UGT8: variants seen among roughly 807,000 people sequenced by gnomAD.
The protein encoded by UGT8 is 2-hydroxyacylsphingosine 1-beta-galactosyltransferase.
In UGT8, 12 loss-of-function variants were observed where a neutral mutation model predicts 40.5. The observed-to-expected ratio is 0.30, with a 90% confidence interval of 0.19 to 0.48. The LOEUF (loss-of-function observed/expected upper bound fraction) is 0.48. Among genes scored for constraint, UGT8 ranks in the 20% least tolerant of loss-of-function variants. UGT8 has a pLI of 0.99. For synonymous variants in UGT8, 224 were observed against 240.4 expected (o/e 0.93, Z 0.63); for missense variants, 513 against 648.7 (o/e 0.79, Z 2.27).
chr4:114,667,480 T>A (rs1301405913), intron 4 of UGT8, among the ~76,000 whole-genome samples: 1 of 152,208 alleles, frequency 6.6e-6, no homozygotes, highest in African/African-American at 2.4e-5. Flanking sequence ...TTATGTGATG[T>A]CTCATGTCTT....
intron 2 of UGT8, chr4:114,656,838 TC>T: frequency 1.9e-6 from 1 of 514,988 alleles, no homozygotes; most frequent in South Asian, 1.5e-5. Context: ...GCTCTTCATT[TC>T]CCCATATCTA....
chr4:114,599,003 G>A (rs1730265578), intron 1 of UGT8, 29 bp downstream of exon 1: 2 of 151,706 alleles, frequency 1.3e-5, no homozygotes, highest in South Asian at 2.1e-4. Flanking sequence ...CCGTTCCAGA[G>A]GGCGGAAGGG....
chr4:114,665,628 C>T (rs1734813977), intron 3 of UGT8, 52 bp from the exon 4 acceptor site: 1 of 1,488,078 alleles, frequency 6.7e-7, no homozygotes, highest in Non-Finnish European at 9.1e-7. Context: ...AGAGCCCATA[C>T]TATGAGTAAG....
intron 2 of UGT8, among the ~76,000 whole-genome samples, chr4:114,627,500 T>C (rs1371278965): frequency 3.9e-5 from 6 of 152,162 alleles, no homozygotes; most frequent in Middle Eastern, 3.4e-3. Flanking sequence ...CCTTGTGATC[T>C]GCCCGTCTCG....
intron 2 of UGT8, among the ~76,000 whole-genome samples, chr4:114,663,172 T>C (rs914517513): frequency 3.9e-5 from 6 of 152,110 alleles, no homozygotes; most frequent in African/African-American, 1.4e-4. Context: ...AATCACGTTA[T>C]GCTACAAAGT....
At chr4:114,604,674 G>A (rs1730635222) in intron 1 of UGT8, among the ~76,000 whole-genome samples, 1 of 152,038 alleles carries the variant, frequency 6.6e-6, no homozygotes, top group Non-Finnish European at 1.5e-5. Flanking sequence ...TGGTTTGGAA[G>A]TCAACCAACA....
At chr4:114,641,023 T>C (rs1269033573) in intron 2 of UGT8, among the ~76,000 whole-genome samples, 1 of 152,192 alleles carries the variant, frequency 6.6e-6, no homozygotes, top group East Asian at 1.9e-4. Flanking sequence ...TCATAGAGTA[T>C]TTCTGTGGAG....
chr4:114,664,654 C>T (rs1307051208), intron 3 of UGT8, among the ~76,000 whole-genome samples: 2 of 152,108 alleles, frequency 1.3e-5, no homozygotes, highest in Non-Finnish European at 2.9e-5. Context: ...CCATTTAACA[C>T]GGTTTAAGAC....
chr4:114,640,827 GC>G (rs1254445582), intron 2 of UGT8, among the ~76,000 whole-genome samples: 1 of 152,136 alleles, frequency 6.6e-6, no homozygotes, highest in African/African-American at 2.4e-5. Context: ...GGAAAGACTT[GC>G]CCCCATGATT....
intron 1 of UGT8, among the ~76,000 whole-genome samples, chr4:114,608,525 A>AT (rs920380686): frequency 2.5e-4 from 38 of 150,384 alleles, no homozygotes; most frequent in African/African-American, 6.1e-4. Context: ...ACATTCCCCT[A>AT]TTTTTTTTTA....
At chr4:114,643,886 G>A (rs1043492893) in intron 2 of UGT8, among the ~76,000 whole-genome samples, 3 of 151,888 alleles carry the variant, frequency 2.0e-5, no homozygotes, top group African/African-American at 7.3e-5. Flanking sequence ...AAATACTGGT[G>A]GTTCCTCCTT....
chr4:114,628,978 G>A (rs1732414064), intron 2 of UGT8, among the ~76,000 whole-genome samples: 1 of 151,632 alleles, frequency 6.6e-6, no homozygotes, highest in South Asian at 2.1e-4. Context: ...TGGTATTCCT[G>A]ATTAACATAG....
intron 1 of UGT8, among the ~76,000 whole-genome samples, chr4:114,609,361 A>C (rs1227935603): frequency 6.6e-6 from 1 of 152,236 alleles, no homozygotes; most frequent in Non-Finnish European, 1.5e-5. Flanking sequence ...TTAATTTGCC[A>C]GTTTTAAATA....
chr4:114,636,192 C>G (rs1425876483), intron 2 of UGT8, among the ~76,000 whole-genome samples: 2 of 152,176 alleles, frequency 1.3e-5, no homozygotes, highest in Non-Finnish European at 2.9e-5. Flanking sequence ...TACATAGATA[C>G]AAGCTTTATT....
At chr4:114,626,881 G>T (rs1732257699) in intron 2 of UGT8, among the ~76,000 whole-genome samples, 1 of 152,154 alleles carries the variant, frequency 6.6e-6, no homozygotes, top group Non-Finnish European at 1.5e-5. Context: ...CAAGTCAAAT[G>T]AAACCATATG....
At chr4:114,667,661 C>CT (rs1480090155) in intron 4 of UGT8, 1 of 162,350 alleles carries the variant, frequency 6.2e-6, no homozygotes, top group East Asian at 1.9e-4. Context: ...GAATCCAGCC[C>CT]TTTTTTACAT....
rs924111997 is a variant in UGT8 at position 114,676,626 on chromosome 4, A to T, written c.*338A>T. The T allele has an allele frequency of 1.1e-4, 25 of 228,500 alleles. No homozygotes were observed. Among genetic ancestry groups the T allele is most frequent in the Non-Finnish European group, 1.8e-4 (21 of 116,726 alleles). 14.2% of individuals were successfully genotyped at this position (228,500 alleles called of 1,614,324 possible). On this transcript the variant is annotated 3_prime_UTR_variant, in exon 6 of 6. Coordinates refer to ENST00000310836, the MANE Select transcript of UGT8 (RefSeq NM_001128174.3). ...CAGGAATGGTTTCATTTTTCTTAAT[A>T]ATGTGTGTGTGTGTATGTGTGTGTG...
intron 1 of UGT8, 125 bp downstream of exon 1, chr4:114,599,099 T>TGGGGGGGGGGGGGGGGG (rs1730275168): frequency 2.1e-5 from 1 of 48,766 alleles, no homozygotes; most frequent in African/African-American, 7.9e-5. Context: ...GGCGGGGGGG[T>TGGGGGGGGGGGGGGGGG]GGGAATTAGA....
chr4:114,619,936 A>G (rs2126095424), intron 1 of UGT8, among the ~76,000 whole-genome samples: 1 of 151,438 alleles, frequency 6.6e-6, no homozygotes, highest in Admixed American at 6.6e-5. Flanking sequence ...AGTATTTTTC[A>G]GGTTTCTTTA....
Sources: allele counts gnomAD v4.1 joint callset (sites outside exome capture counted in the v4.1 genomes callset), GRCh38; gene constraint gnomAD v4.1.1; transcripts MANE v1.5; gene names NCBI Gene and HGNC (gene_info 2026-07-23, HGNC 2026-07-21).